TRIM21: variants seen among roughly 807,000 people sequenced by gnomAD.
The protein encoded by TRIM21 is tripartite motif containing 21, also known as E3 ubiquitin-protein ligase TRIM21.
A neutral mutation model predicts 36.1 loss-of-function variants in TRIM21; 35 were observed. The observed-to-expected ratio is 0.97, with a 90% confidence interval of 0.74 to 1.28. The LOEUF is 1.28. Ranked by LOEUF, TRIM21 falls within the 50% of genes most tolerant of loss-of-function variation. The pLI is 0.00. For synonymous variants in TRIM21, 256 were observed against 211.5 expected, an observed-to-expected ratio of 1.21 and a Z score of -1.83; for missense variants, 635 against 570.7, an observed-to-expected ratio of 1.11 and a Z score of -1.15.
intron 1 of TRIM21, among the ~76,000 whole-genome samples, chr11:4,391,847 TCTCA>T (rs1329455223): frequency 6.6e-6 from 1 of 152,162 alleles, no homozygotes; most frequent in African/African-American, 2.4e-5. Context: ...CATTGTATGG[TCTCA>T]CTCATTTGTA....
In TRIM21 at chr11:4,385,788, C is replaced by T; in HGVS notation, c.925G>A (p.Val309Met). The change falls in exon 7 of 7, where the codon GTG (valine) becomes ATG (methionine). Residue 309 changes from valine (V) to methionine (M), a missense_variant. Val to Met is a conservative substitution (Grantham distance 21, BLOSUM62 1). Transcript: ENST00000254436. ...CTCTGCTGGGTGTCTCCAAGCCTCACTTGTCTCCGATCTTCTGAAAGTATC... is the reference window on the plus strand; with the variant it reads ...CTCTGCTGGGTGTCTCCAAGCCTCATTTGTCTCCGATCTTCTGAAAGTATC... ...WLILSEDRRQVRLGDTQQSIP... is the reference protein window; with the variant it reads ...WLILSEDRRQMRLGDTQQSIP... 1 of 1,613,606 alleles carries T rather than the reference C, an allele frequency of 6.2e-7. No individual in the cohort carries two copies. Among genetic ancestry groups the T allele is most frequent in the Non-Finnish European group, 8.5e-7 (1 of 1,179,772 alleles).
At chr11:4,393,080 C>T (rs1275302953) in intron 1 of TRIM21, among the ~76,000 whole-genome samples, 2 of 152,214 alleles carry the variant, frequency 1.3e-5, no homozygotes, top group African/African-American at 4.8e-5. Flanking sequence ...CTGCTCCAAA[C>T]TTAGTTTAGT....
chr11:4,389,773 G>A (rs5030769), intron 2 of TRIM21, 24 bp from the exon 3 acceptor site: 208 of 1,606,058 alleles, frequency 1.3e-4, no homozygotes, highest in East Asian at 8.0e-4. Context: ...CAGCTTATTC[G>A]TCCCCCATGC....
In TRIM21 at chr11:4,385,464, T is replaced by C. The variant is rs761757344; in HGVS notation, c.1249A>G (p.Met417Val). 2 of 1,612,590 alleles carry C rather than the reference T, an allele frequency of 1.2e-6. No homozygotes were observed. The highest frequency in any genetic ancestry group is 1.7e-6 in the Non-Finnish European group (2 of 1,179,294). Residue 417 changes from methionine to valine, a missense_variant, in exon 7 of 7, where the codon ATG becomes GTG. By Grantham distance (21) the Met-to-Val change is conservative. Coordinates refer to ENST00000254436, the MANE Select transcript of TRIM21 (RefSeq NM_003141.4). ...VGIFLDYEAG[M>V]VSFYNITDHG... ...TCAGTGATGTTGTAGAAGGAGACCA[T>C]GCCAGCCTCATAGTCCAGGAAAATC...
chr11:4,386,842 A>C, intron 5 of TRIM21, 126 bp downstream of exon 5: 2 of 940,714 alleles, frequency 2.1e-6, no homozygotes, highest in South Asian at 1.7e-5. Context: ...TAGAGAATGA[A>C]GTTTTTGAGA....
In TRIM21 at chr11:4,385,302, C is replaced by A. The variant is rs549756195; in HGVS notation, c.1411G>T (p.Gly471Ter). ...GAAAGCCATCAATAGTCAGTGGATC[C>A]TTGTGATCCAATATTCAGTGGACAG... ...TLCPLNIGSQGSTDY is the reference protein window; with the variant it reads ...TLCPLNIGSQ The change falls in exon 7 of 7, where the codon GGA (glycine) becomes TGA (stop). Residue 471 changes from glycine to a stop codon, truncating the protein, a stop_gained. Transcript: ENST00000254436. LOFTEE classifies it high-confidence loss of function. 2 of 1,611,906 alleles carry A rather than the reference C, an allele frequency of 1.2e-6. No homozygotes were observed. Among genetic ancestry groups the A allele is most frequent in the Non-Finnish European group, 1.7e-6 (2 of 1,179,374 alleles).
Position 4,385,331 on chromosome 11 carries a change from G to A in TRIM21, c.1382C>T (p.Thr461Ile), listed in dbSNP as rs1457712535. The A allele has an allele frequency of 1.9e-6, 3 of 1,613,388 alleles. No homozygotes were observed. The highest frequency in any genetic ancestry group is 2.2e-5 in the East Asian group (1 of 44,894). Residue 461 changes from threonine (T) to isoleucine (I), a missense_variant, in exon 7 of 7, where the codon ACC becomes ATC. Physicochemically the swap from Thr to Ile is moderately conservative, Grantham distance 89. Coordinates refer to ENST00000254436, the MANE Select transcript of TRIM21 (RefSeq NM_003141.4). ...NDGGKNTAPLTLCPLNIGSQG... is the reference protein window; with the variant it reads ...NDGGKNTAPLILCPLNIGSQG... ...TGATCCAATATTCAGTGGACAGAGG[G>A]TTAGAGGGGCTGTGTTTTTTCCTCC...
At position 4,390,358 on chromosome 11, in the gene TRIM21, T is replaced by C; in HGVS notation, c.52A>G (p.Ile18Val). 6.2e-7 allele frequency: 1 copy of C among 1,613,764 alleles called. No individual in the cohort carries two copies. Among genetic ancestry groups the C allele is most frequent in the Non-Finnish European group, 8.5e-7 (1 of 1,179,744 alleles). The change falls in exon 2 of 7, where the codon ATC becomes GTC. Residue 18 changes from isoleucine to valine, a missense_variant. Physicochemically the swap from Ile to Val is conservative, Grantham distance 29. Coordinates refer to ENST00000254436, the MANE Select transcript of TRIM21 (RefSeq NM_003141.4). ...GGCTCCACGAAGGGGTCCAGGCAGATAGGGCATGTGACCTCCTCCCACATC... is the reference window on the plus strand; with the variant it reads ...GGCTCCACGAAGGGGTCCAGGCAGACAGGGCATGTGACCTCCTCCCACATC... Reference protein sequence around the residue: ...TMMWEEVTCPICLDPFVEPVS... With the variant: ...TMMWEEVTCPVCLDPFVEPVS...
intron 6 of TRIM21, 64 bp from the exon 7 acceptor site, chr11:4,385,917 T>C: frequency 2.2e-6 from 3 of 1,363,738 alleles, no homozygotes; most frequent in Non-Finnish European, 3.0e-6. Flanking sequence ...GTGCCTGTGG[T>C]GGGGGGATTT....
chr11:4,389,294 G>A (rs1564810319), intron 3 of TRIM21, among the ~76,000 whole-genome samples: 1 of 152,132 alleles, frequency 6.6e-6, no homozygotes, highest in Non-Finnish European at 1.5e-5. Flanking sequence ...TTCCTGAAAG[G>A]CTTAGCTAGC....
In TRIM21 at chr11:4,384,982, C is replaced by T. The variant is rs1293622906; in HGVS notation, c.*303G>A. On this transcript the variant is annotated 3_prime_UTR_variant, in exon 7 of 7. Transcript: ENST00000254436. Reference sequence around the variant, plus strand: ...ATAATAGAGATCTCACCAAAGACGACATCCTAGAGATGGAGAGGAGAAAAA... The same window carrying T: ...ATAATAGAGATCTCACCAAAGACGATATCCTAGAGATGGAGAGGAGAAAAA... The T allele has an allele frequency of 3.0e-6, 1 of 333,652 alleles. No homozygotes were observed. Among genetic ancestry groups the T allele is most frequent in the African/African-American group, 2.1e-5 (1 of 47,016 alleles). 20.7% of individuals were successfully genotyped at this position (333,652 alleles called of 1,614,324 possible). A position where few individuals can be genotyped will look rare whatever the true frequency, so the allele number is the denominator to read the frequency against.
intron 1 of TRIM21, 29 bp from the exon 2 acceptor site, chr11:4,390,487 A>T: frequency 6.9e-7 from 1 of 1,439,022 alleles, no homozygotes; most frequent in East Asian, 2.3e-5. Context: ...GGGAAAAGAG[A>T]ATATGAGAAA....
Sources: gnomAD v4.1 joint callset for allele counts (sites outside exome capture counted in the v4.1 genomes callset) on GRCh38, gnomAD v4.1.1 for gene constraint, MANE v1.5 for transcripts, NCBI Gene and HGNC (gene_info 2026-07-23, HGNC 2026-07-21) for gene names.